GLRA3: variants seen among roughly 807,000 people sequenced by gnomAD.
The protein encoded by GLRA3 is glycine receptor alpha 3, also known as glycine receptor subunit alpha-3.
A neutral mutation model predicts 60.4 loss-of-function variants in GLRA3; 44 were observed. The observed-to-expected ratio is 0.73, with a 90% CI of 0.57 to 0.94. The LOEUF is 0.94. Among genes scored for constraint, GLRA3 ranks in the 40% least tolerant of loss-of-function variants. The pLI is 0.00. For synonymous variants in GLRA3, 223 were observed against 192.9 expected (o/e 1.16, Z -1.29); for missense variants, 508 against 564.6 (o/e 0.90, Z 1.02).
At chr4:174,732,224 G>T (rs1045447869) in intron 3 of GLRA3, among the ~76,000 whole-genome samples, 1 of 147,250 alleles carries the variant, frequency 6.8e-6, no homozygotes, top group Admixed American at 6.6e-5. Context: ...GTGTGGTGGC[G>T]TGCGCCTGTA....
At chr4:174,730,203 A>G (rs1281884677) in intron 3 of GLRA3, among the ~76,000 whole-genome samples, 1 of 152,208 alleles carries the variant, frequency 6.6e-6, no homozygotes, top group Non-Finnish European at 1.5e-5. Context: ...TATGTGAACA[A>G]GCTTCTACCA....
chr4:174,734,306 G>A (rs1213841159), intron 3 of GLRA3, among the ~76,000 whole-genome samples: 1 of 152,116 alleles, frequency 6.6e-6, no homozygotes, highest in Admixed American at 6.6e-5. Context: ...ACAGAATACC[G>A]ACACCCAATG....
At chr4:174,680,876 GTTGT>G (rs535541837) in intron 6 of GLRA3, among the ~76,000 whole-genome samples, 179 of 151,616 alleles carry the variant, frequency 1.2e-3, no homozygotes, top group African/African-American at 4.2e-3. Context: ...ACCTACTATT[GTTGT>G]TTGTTGTATT....
chr4:174,706,098 C>G (rs547759815), intron 5 of GLRA3, among the ~76,000 whole-genome samples: 4 of 151,850 alleles, frequency 2.6e-5, no homozygotes, highest in Non-Finnish European at 4.4e-5. Flanking sequence ...GGCGTGGTGG[C>G]GGGCACCTGT....
intron 2 of GLRA3, among the ~76,000 whole-genome samples, chr4:174,772,477 AT>A (rs1376981591): frequency 1.3e-5 from 2 of 152,154 alleles, no homozygotes; most frequent in Non-Finnish European, 1.5e-5. Context: ...TTGTGTATAT[AT>A]TTTCTTCTTC....
At chr4:174,825,670 A>G (rs1740936359) in intron 1 of GLRA3, among the ~76,000 whole-genome samples, 2 of 152,258 alleles carry the variant, frequency 1.3e-5, no homozygotes, top group East Asian at 3.9e-4. Flanking sequence ...TATGATAACT[A>G]AAATCCAAAA....
At chr4:174,779,228 C>T (rs548870706) in intron 2 of GLRA3, among the ~76,000 whole-genome samples, 142 of 152,040 alleles carry the variant, frequency 9.3e-4, no homozygotes, top group Middle Eastern at 6.8e-3. Flanking sequence ...CGGCAGGGTA[C>T]TCCAACAGAC....
intron 3 of GLRA3, among the ~76,000 whole-genome samples, chr4:174,758,707 A>G (rs924282589): frequency 2.0e-5 from 3 of 152,180 alleles, no homozygotes; most frequent in African/African-American, 7.2e-5. Flanking sequence ...CATGGTAATA[A>G]TAGAGGAAAC....
At chr4:174,805,825 A>C (rs1740026989) in intron 1 of GLRA3, among the ~76,000 whole-genome samples, 1 of 152,166 alleles carries the variant, frequency 6.6e-6, no homozygotes, top group African/African-American at 2.4e-5. Flanking sequence ...TTGGGTCTTC[A>C]AGAGGATAGT....
chr4:174,785,612 A>T lies in GLRA3; in HGVS notation c.199+3204T>A, dbSNP rs79728779. ...CAAAACTTTGAAGTCCAGAGAGGGC[A>T]AACAGATAGGTATTTTCCAATGCTT... On this transcript the variant is annotated intron_variant, in intron 2 of 9. Transcript: ENST00000274093. Among the ~76,000 whole-genome samples, 254 of 152,316 alleles carry T rather than the reference A, an allele frequency of 1.7e-3. 3 individuals carry two copies. In the East Asian group the frequency reaches 0.035, roughly 21 times the overall value.
At chr4:174,807,484 A>C (rs1440105085) in intron 1 of GLRA3, among the ~76,000 whole-genome samples, 1 of 152,188 alleles carries the variant, frequency 6.6e-6, no homozygotes, top group African/African-American at 2.4e-5. Flanking sequence ...ATTTATATGT[A>C]TCTATCCAGA....
intron 1 of GLRA3, among the ~76,000 whole-genome samples, chr4:174,815,131 C>T (rs1170270326): frequency 6.6e-6 from 1 of 152,170 alleles, no homozygotes; most frequent in Non-Finnish European, 1.5e-5. Context: ...CTAGAGGCCC[C>T]ATACAAGTCC....
chr4:174,811,642 C>T (rs1217671755), intron 1 of GLRA3, among the ~76,000 whole-genome samples: 17 of 152,230 alleles, frequency 1.1e-4, no homozygotes, highest in Admixed American at 9.8e-4. Flanking sequence ...CTTTACTAGC[C>T]TGGAAACTTA....
At chr4:174,711,682 C>T (rs1457595929) in intron 5 of GLRA3, among the ~76,000 whole-genome samples, 1 of 151,980 alleles carries the variant, frequency 6.6e-6, no homozygotes, top group African/African-American at 2.4e-5. Flanking sequence ...TCAAGTGATC[C>T]ACCTGCCTCA....
At chr4:174,679,543 A>G (rs892577523) in intron 6 of GLRA3, among the ~76,000 whole-genome samples, 11 of 152,190 alleles carry the variant, frequency 7.2e-5, no homozygotes, top group African/African-American at 2.7e-4. Flanking sequence ...TACGGGGTAT[A>G]TATCCAAAAG....
At chr4:174,780,289 G>T (rs1738811662) in intron 2 of GLRA3, among the ~76,000 whole-genome samples, 2 of 148,420 alleles carry the variant, frequency 1.3e-5, no homozygotes, top group Admixed American at 1.3e-4. Context: ...CACCAGGCCT[G>T]CCCTAAAAGA....
chr4:174,818,056 A>G (rs1176227844), intron 1 of GLRA3, among the ~76,000 whole-genome samples: 2 of 152,222 alleles, frequency 1.3e-5, no homozygotes, highest in Non-Finnish European at 1.5e-5. Flanking sequence ...TTTTAAAAGT[A>G]GCATATTAAA....
chr4:174,777,904 G>C (rs910102111), intron 2 of GLRA3, among the ~76,000 whole-genome samples: 42 of 152,040 alleles, frequency 2.8e-4, no homozygotes, highest in African/African-American at 8.7e-4. Flanking sequence ...CCAGAACTCA[G>C]AAAATATATA....
intron 5 of GLRA3, among the ~76,000 whole-genome samples, chr4:174,698,024 A>C (rs1735131538): frequency 6.6e-6 from 1 of 152,180 alleles, no homozygotes; most frequent in Non-Finnish European, 1.5e-5. Context: ...TTGGAGGTTC[A>C]GATCTGCTCA....
Sources: allele counts gnomAD v4.1 joint callset (sites outside exome capture counted in the v4.1 genomes callset), GRCh38; gene constraint gnomAD v4.1.1; transcripts MANE v1.5; gene names NCBI Gene and HGNC (gene_info 2026-07-23, HGNC 2026-07-21).